ELMO1: variants seen among roughly 807,000 people sequenced by gnomAD.
ELMO1 encodes engulfment and cell motility 1, also known as engulfment and cell motility protein 1.
A neutral mutation model predicts 98.9 loss-of-function variants in ELMO1; 26 were observed. That is an observed-to-expected ratio of 0.26 (90% CI 0.19 to 0.36). The LOEUF (loss-of-function observed/expected upper bound fraction) is 0.36, where lower values mean the gene tolerates loss of function less well. Among genes scored for constraint, ELMO1 ranks in the 10% least tolerant of loss-of-function variants. The pLI is 1.00. For missense variants in ELMO1, 627 were observed against 935.2 expected (o/e 0.67, Z 4.30); for synonymous variants, 346 against 346.0 (o/e 1.00, Z 0.00).
intron 19 of ELMO1, among the ~76,000 whole-genome samples, chr7:36,873,084 C>T (rs1172059973): frequency 6.6e-6 from 1 of 152,094 alleles, no homozygotes; most frequent in Non-Finnish European, 1.5e-5. Context: ...TTTTTATATG[C>T]ATTGTCCCTT....
chr7:37,341,111 G>C (rs937396479), intron 2 of ELMO1, among the ~76,000 whole-genome samples: 11 of 134,458 alleles, frequency 8.2e-5, no homozygotes, highest in African/African-American at 3.1e-4. Context: ...TAAGACCAGA[G>C]ATTCTGCATT....
chr7:37,246,866 C>CTCTATCTATCTATCTATCTATCTATCTA (rs10547342), intron 6 of ELMO1, among the ~76,000 whole-genome samples: 2 of 150,980 alleles, frequency 1.3e-5, no homozygotes, highest in African/African-American at 4.9e-5. Flanking sequence ...CTATATATAT[C>CTCTATCTATCTATCTATCTATCTATCTA]TCTATCTATC....
intron 16 of ELMO1, among the ~76,000 whole-genome samples, chr7:36,917,111 G>A (rs1399594942): frequency 6.6e-6 from 1 of 152,174 alleles, no homozygotes; most frequent in Non-Finnish European, 1.5e-5. Context: ...ATAATACTTG[G>A]TTGCTTTTAA....
chr7:37,270,726 G>A (rs1201310224), intron 5 of ELMO1: 3 of 152,100 alleles, frequency 2.0e-5, no homozygotes, highest in South Asian at 2.1e-4. Context: ...ATACTGTAGC[G>A]TCTTGTTTAG....
chr7:37,225,456 T>C (rs1353766978), intron 8 of ELMO1, among the ~76,000 whole-genome samples: 1 of 152,210 alleles, frequency 6.6e-6, no homozygotes, highest in African/African-American at 2.4e-5. Context: ...ACACAATCCA[T>C]GGCTTTTATA....
rs377068889 is a variant in ELMO1 at position 37,331,294 on chromosome 7, C to T, written c.78+11319G>A. 2.7e-3 allele frequency among the ~76,000 whole-genome samples: 408 copies of T among 150,030 alleles called. 6 individuals are homozygous for T. In the South Asian group the frequency reaches 0.029, roughly 11 times the overall value. On this transcript the variant is annotated intron_variant, in intron 2 of 21. Coordinates refer to ENST00000310758, the MANE Select transcript of ELMO1 (RefSeq NM_014800.11). Reference sequence around the variant, plus strand: ...ACACCATTCTCCTGCCTCAGCCTCCCGAGTAGCTGGGACTACAGGCGCCAG... The same window carrying T: ...ACACCATTCTCCTGCCTCAGCCTCCTGAGTAGCTGGGACTACAGGCGCCAG...
At position 37,092,524 on chromosome 7, in the gene ELMO1, A is replaced by G. The variant is rs188785981; in HGVS notation, c.1300+4095T>C. 5.1e-3 allele frequency among the ~76,000 whole-genome samples: 767 copies of G among 151,616 alleles called. 6 individuals carry two copies. Among genetic ancestry groups the G allele is most frequent in the African/African-American group, 0.017 (684 of 41,384 alleles). On this transcript the variant is annotated intron_variant, in intron 15 of 21. Coordinates refer to ENST00000310758, the MANE Select transcript of ELMO1 (RefSeq NM_014800.11). ...CTCCTAAGTAGCTGGGACTACAGGC[A>G]CCCGCCACCATGCCCGGCTAATTTT...
At chr7:37,085,114 T>A (rs1433386169) in intron 15 of ELMO1, among the ~76,000 whole-genome samples, 9 of 152,140 alleles carry the variant, frequency 5.9e-5, no homozygotes, top group Admixed American at 5.9e-4. Context: ...GAGACCTGAT[T>A]GGCATCCACC....
chr7:36,973,969 C>T (rs2129136729), intron 16 of ELMO1, among the ~76,000 whole-genome samples: 1 of 152,210 alleles, frequency 6.6e-6, no homozygotes, highest in Non-Finnish European at 1.5e-5. Context: ...CCTTAGCTGC[C>T]TTCCCGCGGG....
At chr7:37,241,491 T>C (rs901185264) in intron 7 of ELMO1, among the ~76,000 whole-genome samples, 4 of 152,168 alleles carry the variant, frequency 2.6e-5, no homozygotes, top group Admixed American at 6.5e-5. Context: ...AGCTGCTTAG[T>C]CTATTTACAT....
chr7:36,999,093 TC>T (rs1009458750), intron 16 of ELMO1, among the ~76,000 whole-genome samples: 1 of 151,988 alleles, frequency 6.6e-6, no homozygotes, highest in Middle Eastern at 3.4e-3. Context: ...AAGGAGGCCA[TC>T]CCCGGGGCCA....
rs558858933 is a variant in ELMO1 at position 36,946,754 on chromosome 7, C to T, written c.1438-51737G>A. On this transcript the variant is annotated intron_variant, in intron 16 of 21. Transcript: ENST00000310758. The stretch of plus-strand genomic sequence containing the variant: ...TCTTCTCCTGCCTGTCTCTTAAATG[C>T]AGATGCACAGTCCTGGTCCCTTCTT... 2.0e-5 allele frequency among the ~76,000 whole-genome samples: 3 copies of T among 152,290 alleles called. No individual in the cohort carries two copies. The South Asian group carries it at 6.2e-4, about 32-fold the overall frequency.
chr7:36,956,177 T>A (rs1788425939), intron 16 of ELMO1, among the ~76,000 whole-genome samples: 1 of 152,246 alleles, frequency 6.6e-6, no homozygotes, highest in African/African-American at 2.4e-5. Flanking sequence ...ATAGGTGTAC[T>A]TCTTGCTTCT....
intron 1 of ELMO1, among the ~76,000 whole-genome samples, chr7:37,432,556 T>C (rs1255895453): frequency 1.3e-5 from 2 of 152,216 alleles, no homozygotes; most frequent in African/African-American, 4.8e-5. Flanking sequence ...ACTATCAAGT[T>C]TCAATTGCTA....
At chr7:36,931,722 T>C (rs1466028301) in intron 16 of ELMO1, among the ~76,000 whole-genome samples, 1 of 152,204 alleles carries the variant, frequency 6.6e-6, no homozygotes, top group African/African-American at 2.4e-5. Context: ...CAGCACATGG[T>C]GGAGTGCATG....
chr7:36,882,469 CT>C (rs940271810), intron 18 of ELMO1, among the ~76,000 whole-genome samples: 4 of 152,348 alleles, frequency 2.6e-5, no homozygotes, highest in African/African-American at 7.2e-5. Flanking sequence ...GGCATCAAAT[CT>C]TCCTCACTTC....
intron 4 of ELMO1, among the ~76,000 whole-genome samples, chr7:37,278,597 T>G (rs1796978442): frequency 6.6e-6 from 1 of 152,176 alleles, no homozygotes. Context: ...GATAGCAGAT[T>G]CAGTCTGTGT....
At chr7:37,406,539 C>A (rs1325804198) in intron 1 of ELMO1, among the ~76,000 whole-genome samples, 1 of 152,002 alleles carries the variant, frequency 6.6e-6, no homozygotes, top group Non-Finnish European at 1.5e-5. Context: ...ACACCATTGT[C>A]CTGTCTCAGC....
chr7:37,181,680 T>G (rs770339190), intron 13 of ELMO1, among the ~76,000 whole-genome samples: 35 of 152,202 alleles, frequency 2.3e-4, no homozygotes, highest in Non-Finnish European at 4.7e-4. Flanking sequence ...ATATCACAGA[T>G]GAGTATGTGA....
Sources: allele counts gnomAD v4.1 joint callset (sites outside exome capture counted in the v4.1 genomes callset), GRCh38; gene constraint gnomAD v4.1.1; transcripts MANE v1.5; gene names NCBI Gene and HGNC (gene_info 2026-07-23, HGNC 2026-07-21).